The following GADL1 variants were observed in gnomAD, a reference collection of about 807,000 sequenced individuals.
GADL1 encodes the protein GAD like acidic amino acid decarboxylase 1, also known as acidic amino acid decarboxylase GADL1.
Under a neutral mutation model 69.5 loss-of-function variants are expected in GADL1, and 71 were observed. The observed-to-expected ratio is 1.02, with a 90% CI of 0.84 to 1.25. The LOEUF (loss-of-function observed/expected upper bound fraction) is 1.25. GADL1 is among the 50% of genes most tolerant of loss of function. The pLI, the probability that GADL1 is intolerant of heterozygous loss-of-function variation, is 0.00. For synonymous variants in GADL1, 254 were observed against 214.4 expected, an observed-to-expected ratio of 1.18 and a Z score of -1.62; for missense variants, 737 against 631.8, an observed-to-expected ratio of 1.17 and a Z score of -1.79.
rs1334634691 is a variant in GADL1, at chr3:30,844,450, T to C, written c.668A>G (p.Lys223Arg). ...FTSAECHYSM[K>R]KAASFLGIGT... ...AATCCCAAGAAAAGAGGCTGCCTTC[T>C]TCATAGAGTAATGACACTGAATTCA... Residue 223 changes from lysine to arginine, a missense_variant, in exon 7 of 15, where the codon AAG becomes AGG. Transcript: ENST00000282538. The C allele has an allele frequency of 4.3e-6, 7 of 1,611,184 alleles. No homozygotes were observed. Among genetic ancestry groups the C allele is most frequent in the Non-Finnish European group, 5.9e-6 (7 of 1,177,500 alleles).
In GADL1 at chr3:30,764,873, G is replaced by C. The variant is rs78665505; in HGVS notation, c.1392+13306C>G. Among the ~76,000 whole-genome samples the C allele has an allele frequency of 1.6e-3, 250 of 152,226 alleles. 7 individuals carry two copies. The East Asian group carries it at 0.045, about 27-fold the overall frequency. On this transcript the variant is annotated intron_variant, in intron 14 of 14. Coordinates refer to ENST00000282538, the MANE Select transcript of GADL1 (RefSeq NM_207359.3). ...CTCTGCTGTGGCACTGCCAACATTTGAATTATCCCTACCTACCCCTAAAAC... is the reference window on the plus strand; with the variant it reads ...CTCTGCTGTGGCACTGCCAACATTTCAATTATCCCTACCTACCCCTAAAAC...
chr3:30,729,464 G>A (rs975384610), intron 14 of GADL1, among the ~76,000 whole-genome samples: 2 of 152,148 alleles, frequency 1.3e-5, no homozygotes, highest in Non-Finnish European at 2.9e-5. Context: ...AGGAAGATGA[G>A]ACTTACTCCT....
intron 14 of GADL1, among the ~76,000 whole-genome samples, chr3:30,733,586 C>CTCCTTCCTTCCTTCCTTCCTTCCT (rs60344210): frequency 1.4e-4 from 19 of 133,596 alleles, no homozygotes; most frequent in Non-Finnish European, 2.4e-4. Flanking sequence ...TTTTCCTTTT[C>CTCCTTCCTTCCTTCCTTCCTTCCT]TCCTTCCTTC....
At chr3:30,865,302 TATA>T (rs759777155) in intron 1 of GADL1, among the ~76,000 whole-genome samples, 1,130 of 110,234 alleles carry the variant, frequency 0.01, 13 homozygotes, top group East Asian at 0.072. Context: ...TATATATATA[TATA>T]TTTTTTAATA....
At chr3:30,757,153 C>T (rs1003930583) in intron 14 of GADL1, among the ~76,000 whole-genome samples, 37 of 152,106 alleles carry the variant, frequency 2.4e-4, no homozygotes, top group African/African-American at 8.4e-4. Context: ...CCATGTGAAC[C>T]GCTATACCTC....
intron 11 of GADL1, among the ~76,000 whole-genome samples, chr3:30,826,821 G>T (rs1697689871): frequency 6.6e-6 from 1 of 151,704 alleles, no homozygotes; most frequent in South Asian, 2.1e-4. Flanking sequence ...AAGACAATAT[G>T]GTTTTCTGAA....
At position 30,762,246 on chromosome 3, in the gene GADL1, TGA is replaced by T. The variant is rs1204067908; in HGVS notation, c.1392+15931_1392+15932del. 9.8e-5 allele frequency among the ~76,000 whole-genome samples: 15 copies of T among 152,308 alleles called. No individual in the cohort carries two copies. The South Asian group carries it at 2.1e-3, about 21-fold the overall frequency. On this transcript the variant is annotated intron_variant, in intron 14 of 14. Transcript: ENST00000282538. ...GATGCTAGGAGTAAGTGAATTATGT[TGA>T]GAAGGTTCATGGCAGTAATCTAGGT...
intron 12 of GADL1, among the ~76,000 whole-genome samples, chr3:30,795,117 C>G (rs561325674): frequency 6.6e-6 from 1 of 152,098 alleles, no homozygotes; most frequent in African/African-American, 2.4e-5. Context: ...AAAGAAGTTA[C>G]GCTTCTTGGA....
rs1318970544 is a variant in GADL1, at chr3:30,839,098, G to T, written c.802C>A (p.Leu268Ile). Residue 268 changes from leucine (L) to isoleucine (I), a missense_variant, in exon 9 of 15, where the codon CTT (leucine) becomes ATT (isoleucine). Physicochemically the swap from Leu to Ile is conservative, Grantham distance 5 (BLOSUM62 2). Coordinates refer to ENST00000282538, the MANE Select transcript of GADL1 (RefSeq NM_207359.3). ...QARKEGAAPF[L>I]VCATSGTTVL... ...GTTGTACCAGAAGTGGCACAGACAA[G>T]AAACGGTGCTGCCCCCTGTAAGAAG... is the stretch of plus-strand genomic sequence containing the variant. 6.3e-7 allele frequency: 1 copy of T among 1,599,006 alleles called. No homozygotes were observed. The highest frequency in any genetic ancestry group is 1.7e-5 in the Admixed American group (1 of 57,664).
intron 1 of GADL1, among the ~76,000 whole-genome samples, chr3:30,869,354 G>A (rs970194421): frequency 4.6e-5 from 7 of 151,742 alleles, no homozygotes; most frequent in East Asian, 2.0e-4. Context: ...CAATGAGAGC[G>A]GGTAACTGTG....
At chr3:30,815,734 T>C (rs1697456336) in intron 11 of GADL1, among the ~76,000 whole-genome samples, 1 of 152,200 alleles carries the variant, frequency 6.6e-6, no homozygotes, top group South Asian at 2.1e-4. Context: ...GATTAAACAA[T>C]CAGGTTTTAT....
intron 7 of GADL1, 32 bp downstream of exon 7, chr3:30,844,355 C>T: frequency 6.3e-7 from 1 of 1,581,332 alleles, no homozygotes; most frequent in Non-Finnish European, 8.7e-7. Context: ...TTTCCCTCCA[C>T]CCACCAGGCT....
intron 12 of GADL1, among the ~76,000 whole-genome samples, chr3:30,790,189 T>C (rs1002716163): frequency 6.6e-6 from 1 of 152,154 alleles, no homozygotes; most frequent in Non-Finnish European, 1.5e-5. Flanking sequence ...AATTTTGATA[T>C]TGCTGTGTCT....
intron 11 of GADL1, among the ~76,000 whole-genome samples, chr3:30,814,983 T>A (rs59644799): frequency 0.19 from 23,537 of 122,404 alleles, 3,044 homozygotes; most frequent in African/African-American, 0.38. Context: ...AAAAAAAAAA[T>A]TTTTTTCATT....
chr3:30,836,130 A>G (rs937598162), intron 9 of GADL1, among the ~76,000 whole-genome samples: 2 of 151,984 alleles, frequency 1.3e-5, no homozygotes, highest in East Asian at 3.9e-4. Context: ...ATCAGTGACA[A>G]CTACAGGAAG....
chr3:30,782,883 TTAAAA>T (rs1696697805), intron 13 of GADL1, among the ~76,000 whole-genome samples: 2 of 152,258 alleles, frequency 1.3e-5, no homozygotes, highest in East Asian at 1.9e-4. Context: ...AAGATGAAGA[TTAAAA>T]TAATGTGCTT....
At chr3:30,855,016 C>T (rs142537931) in intron 3 of GADL1, among the ~76,000 whole-genome samples, 2,070 of 152,144 alleles carry the variant, frequency 0.014, 47 homozygotes, top group African/African-American at 0.048. Flanking sequence ...TGGGAAGGGA[C>T]TTCAGAGAGC....
chr3:30,818,798 C>T (rs1697520184), intron 11 of GADL1, among the ~76,000 whole-genome samples: 1 of 152,142 alleles, frequency 6.6e-6, no homozygotes, highest in South Asian at 2.1e-4. Context: ...TTGGTCACTG[C>T]AGTTGTGTGT....
intron 13 of GADL1, among the ~76,000 whole-genome samples, chr3:30,779,624 A>G (rs900215074): frequency 6.6e-6 from 1 of 152,236 alleles, no homozygotes; most frequent in Non-Finnish European, 1.5e-5. Context: ...TTTATCTAGG[A>G]TAGACTGTAC....
Sources: allele counts gnomAD v4.1 joint callset (sites outside exome capture counted in the v4.1 genomes callset), GRCh38; gene constraint gnomAD v4.1.1; transcripts MANE v1.5; gene names NCBI Gene and HGNC (gene_info 2026-07-23, HGNC 2026-07-21).